The following SP140L variants were observed in gnomAD, a reference collection of about 807,000 sequenced individuals.
The protein encoded by SP140L is SP140 like nuclear body protein.
SP140L carries 64 observed loss-of-function variants against 84.3 expected under a neutral mutation model. The ratio of observed to expected loss-of-function variants is 0.76; its 90% confidence interval spans 0.62 to 0.94. The LOEUF (loss-of-function observed/expected upper bound fraction) is 0.94, where lower values mean the gene tolerates loss of function less well. Among genes scored for constraint, SP140L ranks in the 40% least tolerant of loss-of-function variants. SP140L has a pLI of 0.00. For missense variants in SP140L, 628 were observed against 692.5 expected, an observed-to-expected ratio of 0.91 and a Z score of 1.05; for synonymous variants, 242 against 236.9, an observed-to-expected ratio of 1.02 and a Z score of -0.20.
chr2:230,371,790 C>T (rs12474823), intron 7 of SP140L, 139 bp downstream of exon 7: 103,145 of 741,108 alleles, frequency 0.14, 8,151 homozygotes, highest in Middle Eastern at 0.23. Flanking sequence ...CCCCAAAAAA[C>T]GTCCACCTCC....
chr2:230,328,570 GA>G (rs2059642246), intron 1 of SP140L, among the ~76,000 whole-genome samples, 186 bp from the exon 2 acceptor site: 1 of 152,034 alleles, frequency 6.6e-6, no homozygotes, highest in African/African-American at 2.4e-5. Context: ...TTCTCCAATT[GA>G]AGGACATTTA....
intron 7 of SP140L, among the ~76,000 whole-genome samples, chr2:230,375,545 C>T (rs1408803237): frequency 1.3e-4 from 20 of 152,180 alleles, no homozygotes; most frequent in Admixed American, 1.3e-3. Flanking sequence ...TCCACACCCT[C>T]ACCTATACTT....
intron 7 of SP140L, among the ~76,000 whole-genome samples, chr2:230,378,716 A>G (rs1363574621): frequency 6.6e-6 from 1 of 152,230 alleles, no homozygotes; most frequent in Admixed American, 6.5e-5. Context: ...ATGTGTGGTC[A>G]TTATTTGTAA....
intron 7 of SP140L, among the ~76,000 whole-genome samples, chr2:230,382,742 C>A (rs1265949545): frequency 6.6e-6 from 1 of 152,236 alleles, no homozygotes; most frequent in Non-Finnish European, 1.5e-5. Flanking sequence ...ATCCCCACCA[C>A]TTTTGTCCTG....
intron 9 of SP140L, among the ~76,000 whole-genome samples, chr2:230,385,937 A>G (rs985123858): frequency 3.9e-5 from 6 of 152,236 alleles, no homozygotes; most frequent in East Asian, 1.9e-4. Context: ...AGGTGAGAGA[A>G]AGGGGTGAGA....
intron 9 of SP140L, among the ~76,000 whole-genome samples, chr2:230,387,757 G>A (rs553767743): frequency 6.6e-6 from 1 of 152,238 alleles, no homozygotes; most frequent in Admixed American, 6.5e-5. Flanking sequence ...CATGCACTTG[G>A]GAGAACGTCG....
At chr2:230,353,814 G>A (rs1266584701) in intron 2 of SP140L, among the ~76,000 whole-genome samples, 1 of 151,804 alleles carries the variant, frequency 6.6e-6, no homozygotes, top group Non-Finnish European at 1.5e-5. Context: ...CTCTAAAAAT[G>A]CAAACTATGT....
At chr2:230,373,900 C>G (rs2061164004) in intron 7 of SP140L, among the ~76,000 whole-genome samples, 1 of 152,116 alleles carries the variant, frequency 6.6e-6, no homozygotes, top group Non-Finnish European at 1.5e-5. Flanking sequence ...GAGAGGAGGT[C>G]AAAATATCAA....
At chr2:230,368,302 T>C (rs1250044936) in intron 5 of SP140L, among the ~76,000 whole-genome samples, 1 of 152,172 alleles carries the variant, frequency 6.6e-6, no homozygotes, top group Non-Finnish European at 1.5e-5. Flanking sequence ...ATTTCACGGT[T>C]TCCTGGTGTG....
chr2:230,402,951 C>A lies in SP140L; in HGVS notation c.*55C>A. On this transcript the variant is annotated 3_prime_UTR_variant, in exon 19 of 19. Transcript: ENST00000415673. The stretch of plus-strand genomic sequence containing the variant: ...GAAATATGCTACTGGTTGCCACTGA[C>A]TTCAAACTGAGAGCACTTGGGAAAT... 1 of 1,442,962 alleles carries A rather than the reference C, an allele frequency of 6.9e-7. No homozygotes were observed. Among genetic ancestry groups the A allele is most frequent in the Non-Finnish European group, 9.5e-7 (1 of 1,049,894 alleles). 89.4% of individuals were successfully genotyped at this position (1,442,962 alleles called of 1,614,324 possible).
At chr2:230,383,327 G>A (rs1000141924) in intron 7 of SP140L, among the ~76,000 whole-genome samples, 183 bp from the exon 8 acceptor site, 1 of 152,122 alleles carries the variant, frequency 6.6e-6, no homozygotes, top group African/African-American at 2.4e-5. Context: ...ATGGCCCAAG[G>A]CTCATGCAGA....
intron 2 of SP140L, among the ~76,000 whole-genome samples, chr2:230,351,838 C>G (rs556028080): frequency 6.6e-6 from 1 of 152,000 alleles, no homozygotes; most frequent in Admixed American, 6.6e-5. Context: ...GTAGAGAGAG[C>G]CTTTTGTCAT....
intron 7 of SP140L, among the ~76,000 whole-genome samples, chr2:230,380,228 A>G (rs1298705274): frequency 6.6e-6 from 1 of 152,164 alleles, no homozygotes; most frequent in African/African-American, 2.4e-5. Context: ...ATCTCGTGAG[A>G]CTTGTTCACT....
At chr2:230,381,510 G>A (rs2061404321) in intron 7 of SP140L, among the ~76,000 whole-genome samples, 1 of 152,148 alleles carries the variant, frequency 6.6e-6, no homozygotes, top group Admixed American at 6.5e-5. Flanking sequence ...CAGCCACTCT[G>A]ATTAATTTGA....
At chr2:230,388,479 A>C in intron 9 of SP140L, 80 bp from the exon 10 acceptor site, 1 of 1,188,944 alleles carries the variant, frequency 8.4e-7, no homozygotes, top group Non-Finnish European at 1.2e-6. Flanking sequence ...GTTACATTTA[A>C]ATGGAATTTT....
At chr2:230,376,108 T>C (rs2061233598) in intron 7 of SP140L, among the ~76,000 whole-genome samples, 1 of 152,164 alleles carries the variant, frequency 6.6e-6, no homozygotes, top group African/African-American at 2.4e-5. Context: ...ATATCTCATT[T>C]CATTATTTTG....
chr2:230,368,422 T>C (rs1372172272), intron 5 of SP140L, among the ~76,000 whole-genome samples: 2 of 152,230 alleles, frequency 1.3e-5, no homozygotes, highest in Non-Finnish European at 2.9e-5. Context: ...TCTTGAATCT[T>C]GACAGCTCAT....
intron 5 of SP140L, among the ~76,000 whole-genome samples, chr2:230,365,333 T>A (rs775510862): frequency 1.3e-5 from 2 of 152,060 alleles, no homozygotes; most frequent in African/African-American, 4.8e-5. Context: ...TCCTTATTCA[T>A]TATTGGTCTG....
At chr2:230,334,556 T>C (rs1263510414) in intron 2 of SP140L, among the ~76,000 whole-genome samples, 1 of 152,272 alleles carries the variant, frequency 6.6e-6, no homozygotes, top group East Asian at 1.9e-4. Context: ...TCATGTCACA[T>C]GATTTTTTCA....
Sources: gnomAD v4.1 joint callset for allele counts (sites outside exome capture counted in the v4.1 genomes callset) on GRCh38, gnomAD v4.1.1 for gene constraint, MANE v1.5 for transcripts, NCBI Gene and HGNC (gene_info 2026-07-23, HGNC 2026-07-21) for gene names.